DPP3: variants seen among roughly 807,000 people sequenced by gnomAD.
The protein encoded by DPP3 is dipeptidyl peptidase 3.
Under a neutral mutation model 89.8 loss-of-function variants are expected in DPP3, and 64 were observed. The ratio of observed to expected loss-of-function variants is 0.71; its 90% CI spans 0.58 to 0.88. DPP3 has a LOEUF of 0.88. Among genes scored for constraint, DPP3 ranks in the 40% least tolerant of loss-of-function variants. The pLI is 0.00. For synonymous variants in DPP3, 377 were observed against 404.3 expected (o/e 0.93, Z 0.81); for missense variants, 835 against 972.5 (o/e 0.86, Z 1.88).
At position 66,491,246 on chromosome 11, in the gene DPP3, T is replaced by G. The variant is rs1321039881; in HGVS notation, c.668-7T>G. 6.2e-7 allele frequency: 1 copy of G among 1,612,742 alleles called. No homozygotes were observed. The highest frequency in any genetic ancestry group is 8.5e-7 in the Non-Finnish European group (1 of 1,179,834). ...CTTTTCTCTTGAATGACACCTTCTT[T>G]CCCCAGAGCCTTCCCTGGACTCTGA... On this transcript the variant is annotated splice_region_variant and splice_polypyrimidine_tract_variant and intron_variant, in intron 6 of 17. Coordinates refer to ENST00000531863, the MANE Select transcript of DPP3 (RefSeq NM_130443.4).
chr11:66,485,294 A>AT, intron 3 of DPP3, 32 bp downstream of exon 3: 1 of 1,258,062 alleles, frequency 7.9e-7, no homozygotes, highest in Non-Finnish European at 1.2e-6. Context: ...GAAGGTGGGG[A>AT]TGGGGGGCTG....
chr11:66,482,299 T>C lies in DPP3; in HGVS notation c.99T>C (p.Tyr33=). Residue 33 remains tyrosine (Y), a synonymous_variant, in exon 2 of 18, where the codon TAT becomes TAC. Transcript: ENST00000531863. ...TGCTGTCACCCACAGAGCGCCTCTATGCCTACCACCTGTCCCGTGCCGCCT... is the reference window on the plus strand; with the variant it reads ...TGCTGTCACCCACAGAGCGCCTCTACGCCTACCACCTGTCCCGTGCCGCCT... ...FRLLSPTERL[Y]AYHLSRAAWY... 2 of 1,614,148 alleles carry C rather than the reference T, an allele frequency of 1.2e-6. No homozygotes were observed. Among genetic ancestry groups the C allele is most frequent in the Non-Finnish European group, 1.7e-6 (2 of 1,180,044 alleles).
chr11:66,485,891 A>T (rs747626766), intron 3 of DPP3, among the ~76,000 whole-genome samples: 4 of 151,778 alleles, frequency 2.6e-5, no homozygotes, highest in Non-Finnish European at 4.4e-5. Flanking sequence ...GAATATGGGT[A>T]TGCAGCACCA....
At chr11:66,484,761 G>A (rs1336539569) in intron 2 of DPP3, among the ~76,000 whole-genome samples, 3 of 149,182 alleles carry the variant, frequency 2.0e-5, no homozygotes, top group African/African-American at 4.9e-5. Flanking sequence ...GATGATTAAG[G>A]CCTCTCCGGC....
At chr11:66,480,587 A>G (rs548814437) in intron 1 of DPP3, 122 bp downstream of exon 1, 2 of 1,176,082 alleles carry the variant, frequency 1.7e-6, no homozygotes, top group African/African-American at 1.6e-5. Context: ...CTCCAAATTC[A>G]CCCCGCCCTC....
At chr11:66,508,320 C>T (rs1430066856) in intron 17 of DPP3, among the ~76,000 whole-genome samples, 1 of 152,154 alleles carries the variant, frequency 6.6e-6, no homozygotes, top group African/African-American at 2.4e-5. Flanking sequence ...TGGTGGCTAG[C>T]ATTTGTTGAG....
Position 66,480,479 on chromosome 11 carries a change from C to T in DPP3, c.-9+14C>T, listed in dbSNP as rs1855042163. On this transcript the variant is annotated intron_variant, in intron 1 of 17. Coordinates refer to ENST00000531863, the MANE Select transcript of DPP3 (RefSeq NM_130443.4). ...CAGCTGCTGCAGGTGAGGCGCGGCG[C>T]CTGGGCTTTTGGGGTCAAAGCGTGT... 1.3e-6 allele frequency: 2 copies of T among 1,484,670 alleles called. No individual in the cohort carries two copies. Among genetic ancestry groups the T allele is most frequent in the African/African-American group, 1.5e-5 (1 of 68,838 alleles). 92.0% of individuals were successfully genotyped at this position (1,484,670 alleles called of 1,614,324 possible).
rs781205524 is a variant in DPP3, at chr11:66,491,762, T to C, written c.988+6T>C. ...TTCCCGAGGAGAATTTGAAGGTAAC[T>C]TCCTCAGGGAGGAGGTCAGTCACAG... On this transcript the variant is annotated splice_donor_region_variant and intron_variant, in intron 9 of 17. Transcript: ENST00000531863. 35 of 1,612,758 alleles carry C rather than the reference T, an allele frequency of 2.2e-5. No individual in the cohort carries two copies. The Middle Eastern group carries it at 4.9e-4, about 23-fold the overall frequency.
chr11:66,495,346 A>C lies in DPP3; in HGVS notation c.1453-19A>C. On this transcript the variant is annotated intron_variant, in intron 13 of 17. Coordinates refer to ENST00000531863, the MANE Select transcript of DPP3 (RefSeq NM_130443.4). ...GGGCAGTGGCCACCTTAAGCCCGAC[A>C]GTGGAGCTCCTTTTCCAGATTCAGA... is the stretch of plus-strand genomic sequence containing the variant. 6.2e-7 allele frequency: 1 copy of C among 1,613,854 alleles called. No individual in the cohort carries two copies. Among genetic ancestry groups the C allele is most frequent in the Non-Finnish European group, 8.5e-7 (1 of 1,179,856 alleles).
At chr11:66,493,798 A>G (rs981840513) in intron 12 of DPP3, among the ~76,000 whole-genome samples, 165 bp downstream of exon 12, 2 of 152,130 alleles carry the variant, frequency 1.3e-5, no homozygotes, top group Non-Finnish European at 2.9e-5. Flanking sequence ...CCCTCCCTCA[A>G]GATGTCCCAG....
At chr11:66,487,821 T>A (rs1855272618) in intron 5 of DPP3, 93 bp from the exon 6 acceptor site, 2 of 1,181,962 alleles carry the variant, frequency 1.7e-6, no homozygotes, top group African/African-American at 1.5e-5. Flanking sequence ...TTTGCCTCCA[T>A]GCCTTCTCCC....
chr11:66,508,891 T>C (rs1449017471), intron 17 of DPP3, among the ~76,000 whole-genome samples, 188 bp from the exon 18 acceptor site: 1 of 152,200 alleles, frequency 6.6e-6, no homozygotes, highest in Non-Finnish European at 1.5e-5. Flanking sequence ...CCTGTAGTAT[T>C]TCCTTCCTCA....
Position 66,497,425 on chromosome 11 carries a change from A to G in DPP3, c.1826A>G (p.Lys609Arg). 1 of 1,614,058 alleles carries G rather than the reference A, an allele frequency of 6.2e-7. No individual in the cohort carries two copies. Among genetic ancestry groups the G allele is most frequent in the Non-Finnish European group, 8.5e-7 (1 of 1,180,022 alleles). Residue 609 changes from lysine to arginine, a missense_variant, in exon 16 of 18, where the codon AAG (lysine) becomes AGG (arginine). Coordinates refer to ENST00000531863, the MANE Select transcript of DPP3 (RefSeq NM_130443.4). Reference sequence around the variant, plus strand: ...GCCCGGGTCCGCCTCGACCGCAGCAAGATCCGGTCTGTGGGCAAGCCTGCT... The same window carrying G: ...GCCCGGGTCCGCCTCGACCGCAGCAGGATCCGGTCTGTGGGCAAGCCTGCT... The part of the protein sequence containing the change: ...PDARVRLDRS[K>R]IRSVGKPALE...
chr11:66,506,807 C>T (rs1473611152), intron 17 of DPP3, among the ~76,000 whole-genome samples: 2 of 152,104 alleles, frequency 1.3e-5, no homozygotes, highest in Non-Finnish European at 2.9e-5. Flanking sequence ...TGTCCTTCCG[C>T]TCCTTGTAAA....
intron 16 of DPP3, among the ~76,000 whole-genome samples, chr11:66,501,341 CAA>C (rs1331943309): frequency 1.4e-5 from 2 of 147,980 alleles, no homozygotes; most frequent in African/African-American, 5.0e-5. Context: ...GCCTGGGCAA[CAA>C]GAGTGAAAAT....
At chr11:66,498,416 A>T (rs1855597475) in intron 16 of DPP3, among the ~76,000 whole-genome samples, 1 of 152,034 alleles carries the variant, frequency 6.6e-6, no homozygotes, top group Non-Finnish European at 1.5e-5. Context: ...TTTAGTAGAG[A>T]CAGGGTTTCA....
Position 66,492,580 on chromosome 11 carries a change from T to C in DPP3, c.989-136T>C, listed in dbSNP as rs1419445409. 3 of 1,046,892 alleles carry C rather than the reference T, an allele frequency of 2.9e-6. No individual in the cohort carries two copies. The Admixed American group carries it at 7.8e-5, about 27-fold the overall frequency. 64.9% of individuals were successfully genotyped at this position (1,046,892 alleles called of 1,614,324 possible). A position where few individuals can be genotyped will look rare whatever the true frequency, so the allele number is the denominator to read the frequency against. Reference sequence around the variant, plus strand: ...TGACCCAGTAGGGCCCAGGCCTGGGTCACTGCTATCCCCATCTTCCAGCCC... The same window carrying C: ...TGACCCAGTAGGGCCCAGGCCTGGGCCACTGCTATCCCCATCTTCCAGCCC... On this transcript the variant is annotated intron_variant, in intron 9 of 17. Coordinates refer to ENST00000531863, the MANE Select transcript of DPP3 (RefSeq NM_130443.4).
At chr11:66,500,178 A>AC (rs548414103) in intron 16 of DPP3, among the ~76,000 whole-genome samples, 5 of 152,046 alleles carry the variant, frequency 3.3e-5, no homozygotes, top group South Asian at 4.2e-4. Flanking sequence ...ACATGGTGAA[A>AC]CCTGTCTCTA....
chr11:66,502,752 C>T (rs912680895), intron 16 of DPP3, among the ~76,000 whole-genome samples: 21 of 152,162 alleles, frequency 1.4e-4, no homozygotes, highest in Admixed American at 1.3e-3. Flanking sequence ...GCGTGAGACA[C>T]CACGCCCAAC....
Sources: gnomAD v4.1 joint callset for allele counts (sites outside exome capture counted in the v4.1 genomes callset) on GRCh38, gnomAD v4.1.1 for gene constraint, MANE v1.5 for transcripts, NCBI Gene and HGNC (gene_info 2026-07-23, HGNC 2026-07-21) for gene names.